AGMO: variants seen among roughly 807,000 people sequenced by gnomAD.
AGMO encodes alkylglycerol monooxygenase.
A neutral mutation model predicts 60.2 loss-of-function variants in AGMO; 75 were observed. That is an observed-to-expected ratio of 1.25 (90% confidence interval 1.03 to 1.51). The LOEUF (loss-of-function observed/expected upper bound fraction) is 1.51, where lower values mean the gene tolerates loss of function less well. Ranked by LOEUF, AGMO falls within the 40% of genes most tolerant of loss-of-function variation. The pLI is 0.00. For missense variants in AGMO, 763 were observed against 525.5 expected, an observed-to-expected ratio of 1.45 and a Z score of -4.42; for synonymous variants, 261 against 177.1, an observed-to-expected ratio of 1.47 and a Z score of -3.76.
intron 12 of AGMO, among the ~76,000 whole-genome samples, chr7:15,205,185 T>C (rs563742997): frequency 6.6e-6 from 1 of 152,334 alleles, no homozygotes; most frequent in African/African-American, 2.4e-5. Flanking sequence ...ATACACTTAC[T>C]ATATTTATCA....
intron 2 of AGMO, among the ~76,000 whole-genome samples, chr7:15,552,430 G>C (rs1204535878): frequency 6.6e-6 from 1 of 151,782 alleles, no homozygotes; most frequent in Non-Finnish European, 1.5e-5. Context: ...ATCTGACAAA[G>C]GGCTAATATC....
At chr7:15,505,484 G>A (rs1390671467) in intron 3 of AGMO, among the ~76,000 whole-genome samples, 1 of 151,972 alleles carries the variant, frequency 6.6e-6, no homozygotes, top group Non-Finnish European at 1.5e-5. Flanking sequence ...ACCAAGCAGG[G>A]AGATGTTATT....
intron 12 of AGMO, among the ~76,000 whole-genome samples, chr7:15,271,805 G>A (rs1344908761): frequency 6.6e-6 from 1 of 152,122 alleles, no homozygotes; most frequent in African/African-American, 2.4e-5. Flanking sequence ...CTGTGGATAT[G>A]TCATATATGG....
chr7:15,302,299 G>T (rs961066277), intron 12 of AGMO, among the ~76,000 whole-genome samples: 45 of 152,132 alleles, frequency 3.0e-4, no homozygotes, highest in African/African-American at 8.7e-4. Context: ...TGAGAAATTT[G>T]ATTTTAATTT....
At chr7:15,540,249 A>G (rs1203475582) in intron 3 of AGMO, among the ~76,000 whole-genome samples, 18 of 152,186 alleles carry the variant, frequency 1.2e-4, no homozygotes, top group Non-Finnish European at 1.5e-5. Flanking sequence ...GGTTGTGGCT[A>G]CCACTGGAAC....
At chr7:15,547,798 C>A (rs1339196550) in intron 2 of AGMO, among the ~76,000 whole-genome samples, 1 of 151,922 alleles carries the variant, frequency 6.6e-6, no homozygotes, top group Non-Finnish European at 1.5e-5. Flanking sequence ...GAAGCTCCAA[C>A]TGGGTGGAAC....
intron 12 of AGMO, among the ~76,000 whole-genome samples, chr7:15,279,492 A>G (rs867315550): frequency 6.6e-6 from 1 of 152,100 alleles, no homozygotes; most frequent in Non-Finnish European, 1.5e-5. Flanking sequence ...TTTTTTAATA[A>G]GCTTTTTCAA....
At chr7:15,214,533 G>A (rs1474773156) in intron 12 of AGMO, among the ~76,000 whole-genome samples, 1 of 151,968 alleles carries the variant, frequency 6.6e-6, no homozygotes, top group Non-Finnish European at 1.5e-5. Flanking sequence ...CATTGTGCAA[G>A]GCTGAGGAAA....
chr7:15,211,564 T>A (rs997493405), intron 12 of AGMO, among the ~76,000 whole-genome samples: 1 of 152,000 alleles, frequency 6.6e-6, no homozygotes, highest in Non-Finnish European at 1.5e-5. Flanking sequence ...TCCATGTTTT[T>A]TTTTGAGTTT....
chr7:15,435,234 C>T (rs934001879), intron 3 of AGMO, among the ~76,000 whole-genome samples: 1 of 151,210 alleles, frequency 6.6e-6, no homozygotes, highest in African/African-American at 2.4e-5. Flanking sequence ...AATACTTAGG[C>T]GTGGGATTAT....
At chr7:15,430,918 G>GTGTTTT in intron 4 of AGMO, 87 bp downstream of exon 4, 1 of 394,274 alleles carries the variant, frequency 2.5e-6, no homozygotes, top group Non-Finnish European at 4.2e-6. Flanking sequence ...CCTTCTATTA[G>GTGTTTT]TTTTTTTTTT....
intron 12 of AGMO, among the ~76,000 whole-genome samples, chr7:15,340,483 G>A (rs1414436484): frequency 6.6e-6 from 1 of 152,112 alleles, no homozygotes; most frequent in Non-Finnish European, 1.5e-5. Context: ...GAGGCCTCGG[G>A]GGGAACAATG....
intron 5 of AGMO, among the ~76,000 whole-genome samples, chr7:15,414,869 A>G (rs959697008): frequency 3.3e-5 from 5 of 152,194 alleles, no homozygotes; most frequent in African/African-American, 1.2e-4. Context: ...TTTCTCAACA[A>G]GTCATCACGG....
chr7:15,226,586 G>A (rs1782088703), intron 12 of AGMO, among the ~76,000 whole-genome samples: 1 of 152,054 alleles, frequency 6.6e-6, no homozygotes, highest in South Asian at 2.1e-4. Flanking sequence ...GGGGTTAGAA[G>A]TACTGTTTAG....
intron 2 of AGMO, among the ~76,000 whole-genome samples, chr7:15,550,200 C>T (rs923162114): frequency 1.3e-5 from 2 of 149,676 alleles, no homozygotes; most frequent in Non-Finnish European, 3.0e-5. Flanking sequence ...ACTAAATGCC[C>T]ACAAGAGAAA....
intron 12 of AGMO, among the ~76,000 whole-genome samples, chr7:15,206,446 G>A (rs1393996961): frequency 6.6e-6 from 1 of 151,950 alleles, no homozygotes; most frequent in African/African-American, 2.4e-5. Context: ...TTATCTCTTT[G>A]TGCTTATTTC....
rs1215103949 is a variant in AGMO, at chr7:15,418,630, G to A, written c.537C>T (p.Leu179=). The A allele has an allele frequency of 6.3e-7, 1 of 1,575,040 alleles. No individual in the cohort carries two copies. Among genetic ancestry groups the A allele is most frequent in the East Asian group, 2.3e-5 (1 of 43,098 alleles). The stretch of plus-strand genomic sequence containing the variant: ...CAGCATATACTGAAGGGGGTATGAA[G>A]AGGGCCAGGGGAGAGTAGAAAATCT... The part of the protein sequence containing the change: ...TSWIFYSPLA[L]FIPPSVYAVH... Residue 179 remains leucine, a synonymous_variant, in exon 5 of 13, where the codon CTC becomes CTT. Transcript: ENST00000342526.
Position 15,217,268 on chromosome 7 carries a change from A to T in AGMO, c.1264-15909T>A, listed in dbSNP as rs184092187. On this transcript the variant is annotated intron_variant, in intron 12 of 12. Coordinates refer to ENST00000342526, the MANE Select transcript of AGMO (RefSeq NM_001004320.2). ...TAAAGATGTTCCCATATCCCAAGGA[A>T]CATGGGAAGCCCAGGGATATTGACA... Among the ~76,000 whole-genome samples the T allele has an allele frequency of 1.2e-3, 180 of 152,236 alleles. 1 individual carries two copies. Among genetic ancestry groups the T allele is most frequent in the African/African-American group, 4.1e-3 (172 of 41,556 alleles).
intron 12 of AGMO, among the ~76,000 whole-genome samples, chr7:15,310,432 A>C (rs1780736574): frequency 6.6e-6 from 1 of 152,168 alleles, no homozygotes; most frequent in African/African-American, 2.4e-5. Context: ...TTTGTCTTTT[A>C]GCTTTAAATC....
Sources: gnomAD v4.1 joint callset for allele counts (sites outside exome capture counted in the v4.1 genomes callset) on GRCh38, gnomAD v4.1.1 for gene constraint, MANE v1.5 for transcripts, NCBI Gene and HGNC (gene_info 2026-07-23, HGNC 2026-07-21) for gene names.